Variants in SLC2A2 observed in about 807,000 individuals in gnomAD.
SLC2A2 encodes the protein solute carrier family 2, facilitated glucose transporter member 2.
SLC2A2 carries 36 observed loss-of-function variants against 54.5 expected under a neutral mutation model. The ratio of observed to expected loss-of-function variants is 0.66; its 90% CI spans 0.51 to 0.87. SLC2A2 has a LOEUF of 0.87. SLC2A2 is among the 40% of genes least tolerant of loss of function. The pLI, the probability that SLC2A2 is intolerant of heterozygous loss-of-function variation, is 0.00. For synonymous variants in SLC2A2, 223 were observed against 219.1 expected, an observed-to-expected ratio of 1.02 and a Z score of -0.16; for missense variants, 543 against 624.3, an observed-to-expected ratio of 0.87 and a Z score of 1.39.
At position 171,001,725 on chromosome 3, in the gene SLC2A2, T is replaced by C. The variant is rs1245693163; in HGVS notation, c.1068+851A>G. Reference sequence around the variant, plus strand: ...TACATTAGTTGGGGAGTTTTTGTCTTTATTGTTGTTTGTTTACTTCTTAGA... The same window carrying C: ...TACATTAGTTGGGGAGTTTTTGTCTCTATTGTTGTTTGTTTACTTCTTAGA... On this transcript the variant is annotated intron_variant, in intron 8 of 10. Transcript: ENST00000314251. Among the ~76,000 whole-genome samples, 3 of 151,892 alleles carry C rather than the reference T, an allele frequency of 2.0e-5. No individual in the cohort carries two copies. In the East Asian group the frequency reaches 5.8e-4, roughly 29 times the overall value.
intron 1 of SLC2A2, among the ~76,000 whole-genome samples, chr3:171,020,898 T>G (rs1254818243): frequency 1.3e-5 from 2 of 150,634 alleles, no homozygotes; most frequent in African/African-American, 4.9e-5. Context: ...TATATATATT[T>G]ATTTTATATA....
In SLC2A2 at chr3:171,005,956, G is replaced by T; in HGVS notation, c.762C>A (p.Val254=). The T allele has an allele frequency of 6.2e-7, 1 of 1,612,214 alleles. No homozygotes were observed. Among genetic ancestry groups the T allele is most frequent in the South Asian group, 1.1e-5 (1 of 91,018 alleles). ...RYLYIKLDEE[V]KAKQSLKRLR... ...CCACAGACTTACTTTGTTTTGCTTTGACTTCCTCATCTAACTTGATGTAAA... is the reference window on the plus strand; with the variant it reads ...CCACAGACTTACTTTGTTTTGCTTTTACTTCCTCATCTAACTTGATGTAAA... The change falls in exon 6 of 11, where the codon GTC becomes GTA. Residue 254 remains valine, a synonymous_variant. Transcript: ENST00000314251.
At position 171,006,012 on chromosome 3, in the gene SLC2A2, G is replaced by A. The variant is rs748588515; in HGVS notation, c.706C>T (p.Leu236Phe). The A allele has an allele frequency of 5.0e-6, 8 of 1,612,662 alleles. No individual in the cohort carries two copies. The highest frequency in any genetic ancestry group is 5.9e-6 in the Non-Finnish European group (7 of 1,179,070). ...GVRAILQSLL[L>F]FFCPESPRYL... ...CTGGGGCTTTCTGGACAGAAAAAGA[G>A]TAGCAGAGACTGAAGGATGGCTCGC... The change falls in exon 6 of 11, where the codon CTC becomes TTC. Residue 236 changes from leucine to phenylalanine, a missense_variant. Coordinates refer to ENST00000314251, the MANE Select transcript of SLC2A2 (RefSeq NM_000340.2).
chr3:171,022,971 T>G (rs1249572122), intron 1 of SLC2A2, among the ~76,000 whole-genome samples: 1 of 152,224 alleles, frequency 6.6e-6, no homozygotes, highest in Non-Finnish European at 1.5e-5. Flanking sequence ...ATCAAATTGT[T>G]CTATAGTATA....
Position 171,005,034 on chromosome 3 carries a change from T to A in SLC2A2, c.963+251A>T, listed in dbSNP as rs531707638. Among the ~76,000 whole-genome samples the A allele has an allele frequency of 1.5e-4, 21 of 142,240 alleles. No homozygotes were observed. In the South Asian group the frequency reaches 4.3e-3, roughly 29 times the overall value. 93.3% of individuals were successfully genotyped at this position (142,240 alleles called of 152,430 possible). ...TTCCCTCCTTGTATGTATTAAGATT[T>A]TTGCTTTTTGCCTTCACCTTAATAG... On this transcript the variant is annotated intron_variant, in intron 7 of 10. Transcript: ENST00000314251.
At chr3:171,013,830 T>A (rs1197375662) in intron 3 of SLC2A2, among the ~76,000 whole-genome samples, 1 of 152,212 alleles carries the variant, frequency 6.6e-6, no homozygotes, top group Admixed American at 6.5e-5. Flanking sequence ...ATTGCATGAA[T>A]AAGTAAAATT....
At chr3:171,019,097 GTATATATATA>G (rs775019312) in intron 1 of SLC2A2, among the ~76,000 whole-genome samples, 1 of 20,154 alleles carries the variant, frequency 5.0e-5, no homozygotes, top group African/African-American at 5.1e-4. Flanking sequence ...GTGTGTGTGT[GTATATATATA>G]TATATATATA....
intron 1 of SLC2A2, among the ~76,000 whole-genome samples, chr3:171,019,468 GA>G (rs1716352696): frequency 6.6e-6 from 1 of 152,020 alleles, no homozygotes; most frequent in African/African-American, 2.4e-5. Context: ...TAGTTACAAT[GA>G]AACTGTGTAG....
Position 170,998,361 on chromosome 3 carries a change from T to TATC in SLC2A2, c.1203_1205dup (p.Met401dup), listed in dbSNP as rs1161394690. On this transcript the variant is annotated inframe_insertion, in exon 10 of 11. Coordinates refer to ENST00000314251, the MANE Select transcript of SLC2A2 (RefSeq NM_000340.2). ...AGAAGCTGACAAAGAGGAAGATGGC[T>TATC]ATCATGCTCACATAACTCATCCAAG... is the stretch of plus-strand genomic sequence containing the variant. 3 of 1,613,644 alleles carry TATC rather than the reference T, an allele frequency of 1.9e-6. No homozygotes were observed.
intron 1 of SLC2A2, among the ~76,000 whole-genome samples, chr3:171,022,732 CTTATT>C (rs1478029154): frequency 6.6e-6 from 1 of 152,096 alleles, no homozygotes; most frequent in Non-Finnish European, 1.5e-5. Context: ...TTTATTTCTC[CTTATT>C]TTAAGAGTCC....
At chr3:171,021,398 A>G (rs1027430333) in intron 1 of SLC2A2, among the ~76,000 whole-genome samples, 1 of 152,240 alleles carries the variant, frequency 6.6e-6, no homozygotes. Flanking sequence ...CCTGTTCACT[A>G]TGTGGATTAT....
rs557416700 is a variant in SLC2A2 at position 171,018,426 on chromosome 3, T to G, written c.108+105A>C. ...TCGTACCTGACAGGCCAGGATGGCC[T>G]TGTGTCTCCCACGTGGACACCCTTT... On this transcript the variant is annotated intron_variant, in intron 2 of 10. Coordinates refer to ENST00000314251, the MANE Select transcript of SLC2A2 (RefSeq NM_000340.2). 5 of 849,470 alleles carry G rather than the reference T, an allele frequency of 5.9e-6. No individual in the cohort carries two copies. The Admixed American group carries it at 6.8e-5, about 12-fold the overall frequency. The allele number at this position is 849,470 out of a possible 1,614,324, so 52.6% of individuals were successfully genotyped here. A position where few individuals can be genotyped will look rare whatever the true frequency, so the allele number is the denominator to read the frequency against.
rs569353562 is a variant in SLC2A2 at position 171,018,500 on chromosome 3, CA to C, written c.108+30del. 2.8e-4 allele frequency: 414 copies of C among 1,491,580 alleles called. 1 individual carries two copies. The African/African-American group carries it at 5.3e-3, about 19-fold the overall frequency. The allele number at this position is 1,491,580 out of a possible 1,614,324, so 92.4% of individuals were successfully genotyped here. On this transcript the variant is annotated intron_variant, in intron 2 of 10. Coordinates refer to ENST00000314251, the MANE Select transcript of SLC2A2 (RefSeq NM_000340.2). The stretch of plus-strand genomic sequence containing the variant: ...GATATCTATCACTGACAGAACTTGC[CA>C]AAAAGAGAACTTCTACATATTTCAC...
intron 1 of SLC2A2, among the ~76,000 whole-genome samples, chr3:171,021,548 G>A (rs1716468123): frequency 6.6e-6 from 1 of 152,312 alleles, no homozygotes; most frequent in Admixed American, 6.5e-5. Context: ...GCGTTTGGGA[G>A]GCTGAGGCTG....
intron 1 of SLC2A2, among the ~76,000 whole-genome samples, chr3:171,023,811 C>A (rs1179959249): frequency 6.6e-6 from 1 of 152,144 alleles, no homozygotes; most frequent in Non-Finnish European, 1.5e-5. Context: ...GATCTTCAAG[C>A]CTTTTCTCCT....
Position 170,996,676 on chromosome 3 carries a change from C to A in SLC2A2, c.*1227G>T. On this transcript the variant is annotated 3_prime_UTR_variant, in exon 11 of 11. Coordinates refer to ENST00000314251, the MANE Select transcript of SLC2A2 (RefSeq NM_000340.2). ...TCCAATTTGCCTATGTAGGTAAAGG[C>A]AGATAGATAGTGTACAATGCGTGTT... 2.5e-6 allele frequency: 1 copy of A among 397,828 alleles called. No homozygotes were observed. The highest frequency in any genetic ancestry group is 4.4e-6 in the Non-Finnish European group (1 of 225,580). 24.6% of individuals were successfully genotyped at this position (397,828 alleles called of 1,614,324 possible).
At chr3:171,007,313 A>G (rs773145667) in intron 4 of SLC2A2, 50 bp from the exon 5 acceptor site, 11 of 1,107,632 alleles carry the variant, frequency 9.9e-6, no homozygotes, top group Non-Finnish European at 1.5e-5. Flanking sequence ...GACTATCTCA[A>G]TAATAACAAT....
At chr3:171,001,072 T>C (rs908320365) in intron 8 of SLC2A2, among the ~76,000 whole-genome samples, 1 of 152,000 alleles carries the variant, frequency 6.6e-6, no homozygotes, top group African/African-American at 2.4e-5. Flanking sequence ...AAAAGGTACA[T>C]TCAAAATAAT....
intron 7 of SLC2A2, among the ~76,000 whole-genome samples, 198 bp from the exon 8 acceptor site, chr3:171,002,878 G>A (rs572859177): frequency 6.6e-5 from 10 of 152,004 alleles, no homozygotes; most frequent in South Asian, 2.1e-4. Flanking sequence ...TTGCTTAAAC[G>A]TCCTCCTTAT....
Sources: gnomAD v4.1 joint callset for allele counts (sites outside exome capture counted in the v4.1 genomes callset) on GRCh38, gnomAD v4.1.1 for gene constraint, MANE v1.5 for transcripts, NCBI Gene and HGNC (gene_info 2026-07-23, HGNC 2026-07-21) for gene names.